The following STK38L variants were observed in gnomAD, a reference collection of about 807,000 sequenced individuals.
STK38L encodes the protein serine/threonine kinase 38 like, also known as serine/threonine-protein kinase 38-like.
In STK38L, 28 loss-of-function variants were observed where a neutral mutation model predicts 59.7. That is an observed-to-expected ratio of 0.47 (90% CI 0.35 to 0.64). The LOEUF (loss-of-function observed/expected upper bound fraction) is 0.64. Ranked by LOEUF, STK38L falls within the 30% of genes least tolerant of loss-of-function variation. The pLI is 0.01. For synonymous variants in STK38L, 162 were observed against 176.8 expected (o/e 0.92, Z 0.66); for missense variants, 314 against 555.8 (o/e 0.56, Z 4.37).
intron 9 of STK38L, among the ~76,000 whole-genome samples, chr12:27,316,764 C>A (rs556168813): frequency 6.6e-6 from 1 of 152,134 alleles, no homozygotes. Flanking sequence ...AATGAAAATA[C>A]CTCATGCTTA....
intron 3 of STK38L, among the ~76,000 whole-genome samples, chr12:27,304,038 G>A (rs1944245326): frequency 6.6e-6 from 1 of 152,106 alleles, no homozygotes; most frequent in African/African-American, 2.4e-5. Context: ...AAGATGGGAG[G>A]ATCACTTGAG....
chr12:27,281,835 G>T (rs1943665991), intron 1 of STK38L, among the ~76,000 whole-genome samples: 1 of 152,092 alleles, frequency 6.6e-6, no homozygotes. Context: ...AGGAGTTGGA[G>T]ACCACCCTGG....
chr12:27,251,273 A>G (rs1439111410), intron 1 of STK38L, among the ~76,000 whole-genome samples: 2 of 152,122 alleles, frequency 1.3e-5, no homozygotes, highest in African/African-American at 4.8e-5. Context: ...ACAGGGATTT[A>G]CTCTTAGCAC....
rs561766635 is a variant in STK38L, at chr12:27,308,622, C to T, written c.309+161C>T. The stretch of plus-strand genomic sequence containing the variant: ...GGTGGATCGCCTGAGGTCAGGAGTT[C>T]GAGACCAGCCTGGCCAGTGAAACCC... On this transcript the variant is annotated intron_variant, in intron 4 of 13. Coordinates refer to ENST00000389032, the MANE Select transcript of STK38L (RefSeq NM_015000.4). The surrounding 1 kb of genome is among the most constrained non-coding windows in gnomAD (Gnocchi z 4.5). 4.6e-5 allele frequency among the ~76,000 whole-genome samples: 7 copies of T among 152,004 alleles called. No individual in the cohort carries two copies. Among genetic ancestry groups the T allele is most frequent in the South Asian group, 2.1e-4 (1 of 4,828 alleles).
rs35728258 is a variant in STK38L at position 27,304,890 on chromosome 12, A to AT, written c.186+2712dup. ...TTTGTTTACATATTCAACTTATATGATTTTTTTTTTGCTTCCACAAAGAAA... is the reference window on the plus strand; with the variant it reads ...TTTGTTTACATATTCAACTTATATGATTTTTTTTTTTGCTTCCACAAAGAAA... On this transcript the variant is annotated intron_variant, in intron 3 of 13. Coordinates refer to ENST00000389032, the MANE Select transcript of STK38L (RefSeq NM_015000.4). 9.0e-3 allele frequency among the ~76,000 whole-genome samples: 1,349 copies of AT among 149,888 alleles called. 28 individuals are homozygous for AT. The highest frequency in any genetic ancestry group is 0.028 in the African/African-American group (1,159 of 40,972).
rs1231758600 is a variant in STK38L, at chr12:27,306,746, CACACACAT to C, written c.187-1591_187-1584del. On this transcript the variant is annotated intron_variant, in intron 3 of 13. Coordinates refer to ENST00000389032, the MANE Select transcript of STK38L (RefSeq NM_015000.4). ...ACACACACACACACACACACACACACACACACATATATTTGAGATGGAGTTTCGGTCTT... is the reference window on the plus strand; with the variant it reads ...ACACACACACACACACACACACACACATATTTGAGATGGAGTTTCGGTCTT... Among the ~76,000 whole-genome samples the C allele has an allele frequency of 2.0e-5, 3 of 151,644 alleles. No individual in the cohort carries two copies. In the East Asian group the frequency reaches 5.9e-4, roughly 30 times the overall value.
chr12:27,295,938 G>C (rs1350574589), intron 1 of STK38L, among the ~76,000 whole-genome samples: 1 of 152,184 alleles, frequency 6.6e-6, no homozygotes, highest in Non-Finnish European at 1.5e-5. Flanking sequence ...AAAGAGCTAG[G>C]TATGTTGGGA....
intron 1 of STK38L, among the ~76,000 whole-genome samples, chr12:27,253,047 T>G (rs1943010955): frequency 6.6e-6 from 1 of 152,172 alleles, no homozygotes; most frequent in Non-Finnish European, 1.5e-5. Context: ...CTTCTGGCTG[T>G]AGAGATTAGG....
chr12:27,289,504 G>A (rs941251393), intron 1 of STK38L, among the ~76,000 whole-genome samples: 3 of 152,124 alleles, frequency 2.0e-5, no homozygotes, highest in Non-Finnish European at 2.9e-5. Flanking sequence ...AAACTATTTC[G>A]AAAACAGTTT....
chr12:27,299,484 T>G (rs762922202), intron 2 of STK38L, among the ~76,000 whole-genome samples: 6 of 152,168 alleles, frequency 3.9e-5, no homozygotes, highest in Non-Finnish European at 8.8e-5. Context: ...AGAAGGAAAG[T>G]GACCACAAAT....
intron 1 of STK38L, among the ~76,000 whole-genome samples, chr12:27,248,701 A>G (rs1270664506): frequency 6.6e-6 from 1 of 152,212 alleles, no homozygotes; most frequent in South Asian, 2.1e-4. Context: ...ACTTGACTCA[A>G]TGGGGTAGGT....
intron 11 of STK38L, 97 bp downstream of exon 11, chr12:27,318,116 A>G: frequency 7.2e-7 from 1 of 1,384,036 alleles, no homozygotes. Flanking sequence ...AGGGGATACC[A>G]CTGATGTATA....
In STK38L at chr12:27,309,098, G is replaced by GT; in HGVS notation, c.310-10dup. The GT allele has an allele frequency of 2.6e-6, 4 of 1,551,896 alleles. No homozygotes were observed. Among genetic ancestry groups the GT allele is most frequent in the Non-Finnish European group, 3.5e-6 (4 of 1,149,968 alleles). On this transcript the variant is annotated splice_polypyrimidine_tract_variant and intron_variant, in intron 4 of 13. Coordinates refer to ENST00000389032, the MANE Select transcript of STK38L (RefSeq NM_015000.4). ...TAGTAGTGACTGTTTTATAATATAT[G>GT]TTTTTTATCTTTTAGGTGCGGTTGG...
Position 27,308,932 on chromosome 12 carries a change from T to A in STK38L, c.310-182T>A, listed in dbSNP as rs1412459846. Among the ~76,000 whole-genome samples the A allele has an allele frequency of 2.8e-5, 4 of 144,552 alleles. No individual in the cohort carries two copies. The highest frequency in any genetic ancestry group is 2.1e-4 in the South Asian group (1 of 4,686). The allele number at this position is 144,552 out of a possible 152,430, so 94.8% of individuals were successfully genotyped here. On this transcript the variant is annotated intron_variant, in intron 4 of 13. Coordinates refer to ENST00000389032, the MANE Select transcript of STK38L (RefSeq NM_015000.4). The surrounding 1 kb of genome is among the most constrained non-coding windows in gnomAD (Gnocchi z 4.5). Reference sequence around the variant, plus strand: ...TAAATATATATTAATATATATAAAATATATATAAATATATATATAACATAT... The same window carrying A: ...TAAATATATATTAATATATATAAAAAATATATAAATATATATATAACATAT...
At chr12:27,271,132 G>A (rs544102561) in intron 1 of STK38L, among the ~76,000 whole-genome samples, 9 of 152,272 alleles carry the variant, frequency 5.9e-5, no homozygotes, top group Middle Eastern at 3.4e-3. Context: ...AAACCAAGGC[G>A]CAGGCAGATT....
At chr12:27,307,593 T>C (rs1565549625) in intron 3 of STK38L, among the ~76,000 whole-genome samples, 2 of 152,210 alleles carry the variant, frequency 1.3e-5, no homozygotes. Context: ...TTTCCTCTAC[T>C]AGGAGCTAAC....
intron 7 of STK38L, 85 bp downstream of exon 7, chr12:27,314,743 T>G: frequency 7.1e-7 from 1 of 1,415,150 alleles, no homozygotes; most frequent in South Asian, 1.5e-5. Flanking sequence ...AATCAGCAAC[T>G]GCAATTTAGA....
At chr12:27,280,098 G>A (rs12308741) in intron 1 of STK38L, among the ~76,000 whole-genome samples, 3,543 of 152,186 alleles carry the variant, frequency 0.023, 133 homozygotes, top group African/African-American at 0.08. Context: ...GTTACCCATG[G>A]TTATTATTTT....
At chr12:27,271,327 A>G (rs1255919420) in intron 1 of STK38L, among the ~76,000 whole-genome samples, 4 of 152,218 alleles carry the variant, frequency 2.6e-5, no homozygotes, top group Admixed American at 2.6e-4. Flanking sequence ...GAATGGGAAA[A>G]TACATTTTCA....
Sources: allele counts gnomAD v4.1 joint callset (sites outside exome capture counted in the v4.1 genomes callset), GRCh38; gene constraint gnomAD v4.1.1; non-coding constraint Gnocchi (gnomAD v3.1); transcripts MANE v1.5; gene names NCBI Gene and HGNC (gene_info 2026-07-23, HGNC 2026-07-21).